The following SF3B1 variants were observed in gnomAD, a reference collection of about 807,000 sequenced individuals.
SF3B1 encodes pre-mRNA processing 10.
SF3B1 carries 12 observed loss-of-function variants against 153.8 expected under a neutral mutation model. That is an observed-to-expected ratio of 0.08 (90% CI 0.05 to 0.13). The LOEUF (loss-of-function observed/expected upper bound fraction) is 0.13. Among genes scored for constraint, SF3B1 ranks in the 10% least tolerant of loss-of-function variants. The pLI is 1.00. For synonymous variants in SF3B1, 498 were observed against 525.2 expected (o/e 0.95, Z 0.71); for missense variants, 513 against 1,606.1 (o/e 0.32, Z 11.63).
At chr2:197,395,254 G>A (rs762471046) in intron 23 of SF3B1, among the ~76,000 whole-genome samples, 1 of 152,114 alleles carries the variant, frequency 6.6e-6, no homozygotes, top group Non-Finnish European at 1.5e-5. Context: ...TTAGCCCTGG[G>A]CAGCCAGGCT....
intron 4 of SF3B1, 69 bp downstream of exon 4, chr2:197,420,359 T>C: frequency 1.7e-6 from 2 of 1,201,928 alleles, no homozygotes; most frequent in Middle Eastern, 3.9e-4. Flanking sequence ...CCAAAAAAAA[T>C]CAAAGGGCTA....
At chr2:197,416,465 A>T in intron 6 of SF3B1, 1 of 299,702 alleles carries the variant, frequency 3.3e-6, no homozygotes, top group Non-Finnish European at 6.2e-6. Context: ...CTAATCTAGT[A>T]AGACTGATGT....
Position 197,398,359 on chromosome 2 carries a change from C to T in SF3B1, c.3134+102G>A, listed in dbSNP as rs932021946. On this transcript the variant is annotated intron_variant, in intron 21 of 24. Transcript: ENST00000335508. ...TAATACTGGATAGCCTAATCTTTTA[C>T]ACTTATATTAGTGACATTAAGGAAA... The T allele has an allele frequency of 2.3e-5, 29 of 1,236,890 alleles. No homozygotes were observed. The South Asian group carries it at 3.5e-4, about 15-fold the overall frequency. The allele number at this position is 1,236,890 out of a possible 1,614,324, so 76.6% of individuals were successfully genotyped here. A position where few individuals can be genotyped will look rare whatever the true frequency, so the allele number is the denominator to read the frequency against.
chr2:197,398,648 T>C lies in SF3B1; in HGVS notation c.3014-67A>G, dbSNP rs866937948. The C allele has an allele frequency of 2.8e-6, 4 of 1,435,180 alleles. No homozygotes were observed. The Middle Eastern group carries it at 5.3e-4, about 189-fold the overall frequency. 88.9% of individuals were successfully genotyped at this position (1,435,180 alleles called of 1,614,324 possible). A position where few individuals can be genotyped will look rare whatever the true frequency, so the allele number is the denominator to read the frequency against. On this transcript the variant is annotated intron_variant, in intron 20 of 24. Coordinates refer to ENST00000335508, the MANE Select transcript of SF3B1 (RefSeq NM_012433.4). Reference sequence around the variant, plus strand: ...AACTTTTGTTCACTTTCCTTTTACTTAGCAATGTCATATATGACTATGTAT... The same window carrying C: ...AACTTTTGTTCACTTTCCTTTTACTCAGCAATGTCATATATGACTATGTAT...
At chr2:197,414,131 C>G (rs1446818373) in intron 6 of SF3B1, among the ~76,000 whole-genome samples, 2 of 152,162 alleles carry the variant, frequency 1.3e-5, no homozygotes, top group Non-Finnish European at 2.9e-5. Context: ...TTGAGCCAAA[C>G]AGACACAGGA....
At position 197,391,117 on chromosome 2, in the gene SF3B1, G is replaced by C. The variant is rs1306162371; in HGVS notation, c.*1186C>G. 1 of 152,120 alleles carries C rather than the reference G, an allele frequency of 6.6e-6. No individual in the cohort carries two copies. The highest frequency in any genetic ancestry group is 1.5e-5 in the Non-Finnish European group (1 of 68,014). The allele number at this position is 152,120 out of a possible 1,614,324, so 9.4% of individuals were successfully genotyped here. ...TAAGAAATTTGGGGCCATAACATTA[G>C]AAAAGTTTGAAAATATACTTTACAT... is the stretch of plus-strand genomic sequence containing the variant. On this transcript the variant is annotated 3_prime_UTR_variant, in exon 25 of 25. Coordinates refer to ENST00000335508, the MANE Select transcript of SF3B1 (RefSeq NM_012433.4).
Position 197,401,715 on chromosome 2 carries a change from T to C in SF3B1, c.2370+27A>G. Reference sequence around the variant, plus strand: ...GTTAGAACCATGAAACATATCCAGTTTACATTAACAAATCTGGAATAATTA... The same window carrying C: ...GTTAGAACCATGAAACATATCCAGTCTACATTAACAAATCTGGAATAATTA... On this transcript the variant is annotated intron_variant, in intron 16 of 24. Coordinates refer to ENST00000335508, the MANE Select transcript of SF3B1 (RefSeq NM_012433.4). The surrounding 1 kb of genome is among the most constrained non-coding windows in gnomAD (Gnocchi z 4.2). 1 of 1,597,192 alleles carries C rather than the reference T, an allele frequency of 6.3e-7. No individual in the cohort carries two copies. The highest frequency in any genetic ancestry group is 2.2e-5 in the East Asian group (1 of 44,660).
Position 197,405,325 on chromosome 2 carries a change from T to C in SF3B1, c.1387A>G (p.Asn463Asp). ...MKSVNDQPSGNLPFLKPDDIQ... is the reference protein window; with the variant it reads ...MKSVNDQPSGDLPFLKPDDIQ... ...TCATCAGGTTTTAAAAATGGAAGAT[T>C]TCCAGATGGCTGGTCATTAACACTT... The change falls in exon 10 of 25, where the codon AAT (asparagine) becomes GAT (aspartate). Residue 463 changes from asparagine to aspartate, a missense_variant. Asn to Asp is a conservative substitution (Grantham distance 23, BLOSUM62 1). Around this residue, in one of 21 missense-constraint regions of SF3B1, gnomAD observed 34 missense variants for 190.8 expected, o/e 0.18. Coordinates refer to ENST00000335508, the MANE Select transcript of SF3B1 (RefSeq NM_012433.4). 6.2e-7 allele frequency: 1 copy of C among 1,614,080 alleles called. No individual in the cohort carries two copies. The highest frequency in any genetic ancestry group is 8.5e-7 in the Non-Finnish European group (1 of 1,179,966).
At chr2:197,431,757 C>T (rs956240710) in intron 1 of SF3B1, among the ~76,000 whole-genome samples, 2 of 152,158 alleles carry the variant, frequency 1.3e-5, no homozygotes, top group African/African-American at 4.8e-5. Context: ...GGACAACTAA[C>T]TATAATATAA....
At chr2:197,429,707 C>A (rs143756955) in intron 1 of SF3B1, among the ~76,000 whole-genome samples, 2,463 of 152,030 alleles carry the variant, frequency 0.016, 73 homozygotes, top group African/African-American at 0.056. Context: ...TCGCTTGAAC[C>A]CGGGAGGCGG....
Position 197,402,637 on chromosome 2 carries a change from T to G in SF3B1, c.1996A>C (p.Lys666Gln), listed in dbSNP as rs754688962. ...AGAATAGCTATCTGTTGTACAATCT[T>G]AATACCAGTGTGTCTCGCTTGCCAG... ...KSWQARHTGIKIVQQIAILMG... is the reference protein window; with the variant it reads ...KSWQARHTGIQIVQQIAILMG... The change falls in exon 14 of 25, where the codon AAG (lysine) becomes CAG (glutamine). Residue 666 changes from lysine to glutamine, a missense_variant. Physicochemically the swap from Lys to Gln is moderately conservative, Grantham distance 53. Around this residue, in one of 21 missense-constraint regions of SF3B1, gnomAD observed 13 missense variants for 16.1 expected, o/e 0.81. Coordinates refer to ENST00000335508, the MANE Select transcript of SF3B1 (RefSeq NM_012433.4). This position sits in a 1 kb window ranked among gnomAD's most constrained non-coding sequence, Gnocchi z 4.6. 9 of 1,614,002 alleles carry G rather than the reference T, an allele frequency of 5.6e-6. No individual in the cohort carries two copies. The highest frequency in any genetic ancestry group is 1.1e-5 in the South Asian group (1 of 91,084).
At chr2:197,396,033 T>G in intron 23 of SF3B1, 23 bp downstream of exon 23, 1 of 1,559,464 alleles carries the variant, frequency 6.4e-7, no homozygotes, top group Non-Finnish European at 8.8e-7. Flanking sequence ...ATTATTTTCT[T>G]GTATTTAGTT....
chr2:197,399,481 C>G (rs557768024), intron 20 of SF3B1, among the ~76,000 whole-genome samples: 1 of 152,074 alleles, frequency 6.6e-6, no homozygotes, highest in Non-Finnish European at 1.5e-5. Context: ...GGAATAAAAA[C>G]TTTGCTCTCC....
chr2:197,412,805 C>T (rs549103307), intron 6 of SF3B1, among the ~76,000 whole-genome samples: 1 of 147,528 alleles, frequency 6.8e-6, no homozygotes, highest in Admixed American at 6.7e-5. Flanking sequence ...GCCAACACTG[C>T]GAAACCCTGT....
chr2:197,422,591 T>TA (rs555057152), intron 2 of SF3B1, among the ~76,000 whole-genome samples: 1,816 of 150,388 alleles, frequency 0.012, 15 homozygotes, highest in South Asian at 0.024. Context: ...ATCCAAAAAT[T>TA]AAAAAAAAAT....
intron 11 of SF3B1, 113 bp from the exon 12 acceptor site, chr2:197,403,877 C>T (rs2084960662): frequency 2.7e-6 from 2 of 753,982 alleles, no homozygotes; most frequent in South Asian, 3.9e-5. Flanking sequence ...TTTACTTTTA[C>T]ACACATTTTA....
intron 6 of SF3B1, among the ~76,000 whole-genome samples, chr2:197,413,183 T>C (rs1181815130): frequency 2.0e-5 from 3 of 151,954 alleles, no homozygotes; most frequent in Non-Finnish European, 4.4e-5. Context: ...GGGGGATCAC[T>C]TGAGGCCAGG....
At chr2:197,397,407 AAATTTTTCTG>A (rs2084888289) in intron 22 of SF3B1, among the ~76,000 whole-genome samples, 1 of 152,226 alleles carries the variant, frequency 6.6e-6, no homozygotes, top group Admixed American at 6.5e-5. Flanking sequence ...CACACATTTT[AAATTTTTCTG>A]AAAATGGTAC....
chr2:197,432,842 G>T (rs755954776), intron 1 of SF3B1, among the ~76,000 whole-genome samples: 5 of 151,444 alleles, frequency 3.3e-5, no homozygotes, highest in Non-Finnish European at 7.4e-5. Context: ...CTTCTGCCTG[G>T]GCAACAGAAA....
Sources: gnomAD v4.1 joint callset for allele counts (sites outside exome capture counted in the v4.1 genomes callset) on GRCh38, gnomAD v4.1.1 for gene constraint, gnomAD v4.1.1 regional missense constraint, Gnocchi (gnomAD v3.1) non-coding constraint, MANE v1.5 for transcripts, NCBI Gene and HGNC (gene_info 2026-07-23, HGNC 2026-07-21) for gene names.